The following CERK variants were observed in gnomAD, a reference collection of about 807,000 sequenced individuals.
The protein encoded by CERK is acylsphingosine kinase.
In CERK, 39 loss-of-function variants were observed where a neutral mutation model predicts 63.4. The observed-to-expected ratio is 0.61, with a 90% CI of 0.48 to 0.80. The LOEUF (loss-of-function observed/expected upper bound fraction) is 0.80. Among genes scored for constraint, CERK ranks in the 30% least tolerant of loss-of-function variants. CERK has a pLI of 0.00. For missense variants in CERK, 670 were observed against 714.1 expected, an observed-to-expected ratio of 0.94 and a Z score of 0.70; for synonymous variants, 302 against 280.0, an observed-to-expected ratio of 1.08 and a Z score of -0.78.
chr22:46,685,862 T>C lies in CERK; in HGVS notation c.*1272A>G, dbSNP rs1362533503. On this transcript the variant is annotated 3_prime_UTR_variant, in exon 13 of 13. Transcript: ENST00000216264. ...CTTCTGCAAAACCCACCCGGCAGCA[T>C]GAGGAACGGTGTCTACAGCGTGCTC... The C allele has an allele frequency of 1.3e-5, 2 of 152,218 alleles. No individual in the cohort carries two copies. The highest frequency in any genetic ancestry group is 2.9e-5 in the Non-Finnish European group (2 of 68,038). 9.4% of individuals were successfully genotyped at this position (152,218 alleles called of 1,614,324 possible). A position where few individuals can be genotyped will look rare whatever the true frequency, so the allele number is the denominator to read the frequency against.
chr22:46,689,942 C>A, intron 12 of CERK, 50 bp downstream of exon 12: 1 of 1,467,456 alleles, frequency 6.8e-7, no homozygotes, highest in Admixed American at 2.1e-5. Flanking sequence ...TGACAGACAC[C>A]TCAGGGCTCA....
In CERK at chr22:46,728,241, G is replaced by A. The variant is rs1028489666; in HGVS notation, c.143-7226C>T. Reference sequence around the variant, plus strand: ...TCCCGTCCTAGGGATGAGACGGGGTGTCCAAGGGCTCCAGGGACCGTACGG... The same window carrying A: ...TCCCGTCCTAGGGATGAGACGGGGTATCCAAGGGCTCCAGGGACCGTACGG... On this transcript the variant is annotated intron_variant, in intron 1 of 12. Transcript: ENST00000216264. Among the ~76,000 whole-genome samples the A allele has an allele frequency of 5.3e-5, 8 of 152,162 alleles. No individual in the cohort carries two copies. In the South Asian group the frequency reaches 1.7e-3, roughly 31 times the overall value.
At chr22:46,717,892 C>A (rs1441823157) in intron 3 of CERK, among the ~76,000 whole-genome samples, 1 of 148,918 alleles carries the variant, frequency 6.7e-6, no homozygotes, top group African/African-American at 2.6e-5. Context: ...ACCAGTCTGG[C>A]CAACACGGCG....
At chr22:46,717,260 C>T (rs1022697203) in intron 3 of CERK, among the ~76,000 whole-genome samples, 1 of 152,184 alleles carries the variant, frequency 6.6e-6, no homozygotes, top group Non-Finnish European at 1.5e-5. Flanking sequence ...CACCTACAAC[C>T]CAGCGACTCC....
At chr22:46,724,330 G>A (rs548016797) in intron 1 of CERK, among the ~76,000 whole-genome samples, 64 of 152,290 alleles carry the variant, frequency 4.2e-4, no homozygotes, top group African/African-American at 1.4e-3. Flanking sequence ...ATCGCAAGGC[G>A]TCCAGTCAAC....
intron 7 of CERK, among the ~76,000 whole-genome samples, chr22:46,700,140 C>T (rs961715507): frequency 6.6e-6 from 1 of 151,744 alleles, no homozygotes; most frequent in African/African-American, 2.4e-5. Flanking sequence ...CTGTAAGTAA[C>T]CCCAGCACTT....
At position 46,687,101 on chromosome 22, in the gene CERK, A is replaced by G. The variant is rs1211591677; in HGVS notation, c.*33T>C. ...AATAATTATCTTAAATAGTTTTCAC[A>G]CTTTCCCAGTTTGTGAGCAGGACGC... On this transcript the variant is annotated 3_prime_UTR_variant, in exon 13 of 13. Coordinates refer to ENST00000216264, the MANE Select transcript of CERK (RefSeq NM_022766.6). 1 of 1,582,146 alleles carries G rather than the reference A, an allele frequency of 6.3e-7. No individual in the cohort carries two copies. The highest frequency in any genetic ancestry group is 8.7e-7 in the Non-Finnish European group (1 of 1,151,024).
chr22:46,726,912 C>T (rs1206525425), intron 1 of CERK, among the ~76,000 whole-genome samples: 2 of 152,238 alleles, frequency 1.3e-5, no homozygotes, highest in African/African-American at 4.8e-5. Context: ...CTGCGTGTCC[C>T]CAGCCCTTGC....
chr22:46,699,291 A>T (rs1297819183), intron 8 of CERK, 22 bp downstream of exon 8: 1 of 1,613,218 alleles, frequency 6.2e-7, no homozygotes, highest in Non-Finnish European at 8.5e-7. Flanking sequence ...GCGGGGAGCG[A>T]GTCTGCATTA....
chr22:46,713,320 C>T (rs140860076), intron 3 of CERK, among the ~76,000 whole-genome samples: 1,725 of 150,870 alleles, frequency 0.011, 36 homozygotes, highest in African/African-American at 0.04. Context: ...CTGGCTAACA[C>T]GGTGAAATCC....
Position 46,691,627 on chromosome 22 carries a change from C to T in CERK, c.1277G>A (p.Cys426Tyr). ...GSSDLILIRK[C>Y]SRFNFLRFLI... ...AAATCTCAGAAAATTGAACCTGGAG[C>T]ATTTCCGGATGAGGATGAGGTCAGA... The change falls in exon 11 of 13, where the codon TGC becomes TAC. Residue 426 changes from cysteine to tyrosine, a missense_variant. By Grantham distance (194) the Cys-to-Tyr change is radical. Transcript: ENST00000216264. The T allele has an allele frequency of 6.2e-7, 1 of 1,614,044 alleles. No individual in the cohort carries two copies. Among genetic ancestry groups the T allele is most frequent in the Non-Finnish European group, 8.5e-7 (1 of 1,180,040 alleles).
intron 10 of CERK, 83 bp from the exon 11 acceptor site, chr22:46,691,860 G>A (rs531144072): frequency 8.0e-6 from 9 of 1,130,214 alleles, no homozygotes; most frequent in South Asian, 6.0e-5. Flanking sequence ...GAGGCCATTC[G>A]GGCTCTCACC....
Position 46,715,800 on chromosome 22 carries a change from C to T in CERK, c.380-3507G>A, listed in dbSNP as rs199851695. On this transcript the variant is annotated intron_variant, in intron 3 of 12. Coordinates refer to ENST00000216264, the MANE Select transcript of CERK (RefSeq NM_022766.6). ...ATAGATCCAAATGTGAAGCGGAAAA[C>T]AATAGAGCTTGGAGAATAAAACGTC... Among the ~76,000 whole-genome samples the T allele has an allele frequency of 2.0e-5, 3 of 152,258 alleles. No individual in the cohort carries two copies. In the East Asian group the frequency reaches 5.8e-4, roughly 29 times the overall value.
At chr22:46,715,128 A>T (rs1323980391) in intron 3 of CERK, among the ~76,000 whole-genome samples, 2 of 152,228 alleles carry the variant, frequency 1.3e-5, no homozygotes, top group Non-Finnish European at 2.9e-5. Context: ...TCTGATTTTT[A>T]AAATCTATTA....
chr22:46,737,746 G>A (rs1053000217), intron 1 of CERK, among the ~76,000 whole-genome samples: 11 of 152,092 alleles, frequency 7.2e-5, no homozygotes, highest in Non-Finnish European at 1.2e-4. Context: ...CCACCTCCCC[G>A]CGGGGATGGG....
Position 46,721,035 on chromosome 22 carries a change from T to C in CERK, c.143-20A>G. On this transcript the variant is annotated intron_variant, in intron 1 of 12. Coordinates refer to ENST00000216264, the MANE Select transcript of CERK (RefSeq NM_022766.6). Reference sequence around the variant, plus strand: ...AGGCATCTGTAAAAACACCACGTCCTTCTGTCAAAGAATTCGTCAGAATCC... The same window carrying C: ...AGGCATCTGTAAAAACACCACGTCCCTCTGTCAAAGAATTCGTCAGAATCC... The C allele has an allele frequency of 6.7e-7, 1 of 1,502,270 alleles. No individual in the cohort carries two copies. The highest frequency in any genetic ancestry group is 1.7e-4 in the Middle Eastern group (1 of 5,850). 93.1% of individuals were successfully genotyped at this position (1,502,270 alleles called of 1,614,324 possible).
chr22:46,732,071 G>C (rs896522995), intron 1 of CERK, among the ~76,000 whole-genome samples: 2 of 152,228 alleles, frequency 1.3e-5, no homozygotes, highest in Non-Finnish European at 2.9e-5. Flanking sequence ...GGGGACCAAG[G>C]TCAGCGAGAA....
At chr22:46,720,587 T>C (rs1459321530) in intron 2 of CERK, among the ~76,000 whole-genome samples, 1 of 151,892 alleles carries the variant, frequency 6.6e-6, no homozygotes, top group Non-Finnish European at 1.5e-5. Context: ...TCCCAGCTAC[T>C]CAGGAGGCTG....
chr22:46,713,692 T>C (rs5769107), intron 3 of CERK, among the ~76,000 whole-genome samples: 110,320 of 151,538 alleles, frequency 0.73, 40,459 homozygotes, highest in Non-Finnish European at 0.77. Flanking sequence ...AACTACTGGG[T>C]GCGACCAACA....
Sources: allele counts gnomAD v4.1 joint callset (sites outside exome capture counted in the v4.1 genomes callset), GRCh38; gene constraint gnomAD v4.1.1; transcripts MANE v1.5; gene names NCBI Gene and HGNC (gene_info 2026-07-23, HGNC 2026-07-21).